The following CIMAP3 variants were observed in gnomAD, a reference collection of about 807,000 sequenced individuals.
The protein encoded by CIMAP3 is ciliary microtubule associated protein 3.
the CIMAP3 span, among the ~76,000 whole-genome samples, chr1:111,331,716 TC>T: frequency 3.3e-5 from 5 of 152,030 alleles, no homozygotes; most frequent in Non-Finnish European, 7.4e-5. Context: ...GTGATTGGGG[TC>T]TTTTACTGGA....
At chr1:111,344,753 A>G in the CIMAP3 span, among the ~76,000 whole-genome samples, 2 of 152,214 alleles carry the variant, frequency 1.3e-5, no homozygotes, top group Non-Finnish European at 2.9e-5. Flanking sequence ...ACAAATGTTA[A>G]TATTACCTAA....
At chr1:111,330,378 A>G in the CIMAP3 span, among the ~76,000 whole-genome samples, 1 of 152,142 alleles carries the variant, frequency 6.6e-6, no homozygotes, top group Non-Finnish European at 1.5e-5. Flanking sequence ...GGATGTGTTC[A>G]CCAGGCTGAG....
chr1:111,329,516 CATATATATAT>C, the CIMAP3 span, among the ~76,000 whole-genome samples: 1,062 of 106,214 alleles, frequency 1.0e-2, 8 homozygotes, highest in Non-Finnish European at 0.014. Context: ...CACATAAACC[CATATATATAT>C]ATATATATAT....
chr1:111,345,784 T>C, the CIMAP3 span, among the ~76,000 whole-genome samples: 3 of 152,170 alleles, frequency 2.0e-5, no homozygotes, highest in Non-Finnish European at 2.9e-5. Context: ...CAAGCTAGTG[T>C]TAATATCCAT....
the CIMAP3 span, among the ~76,000 whole-genome samples, chr1:111,341,802 T>G: frequency 1.3e-5 from 2 of 152,206 alleles, no homozygotes; most frequent in Non-Finnish European, 2.9e-5. Context: ...CTTTTTATCA[T>G]ATAATGATCT....
chr1:111,350,000 C>G, the CIMAP3 span: 1 of 761,934 alleles, frequency 1.3e-6, no homozygotes, highest in Non-Finnish European at 2.2e-6. Flanking sequence ...CAATCTGTTG[C>G]CTTTTTCCAA....
chr1:111,347,768 A>G, the CIMAP3 span: 2 of 1,606,016 alleles, frequency 1.2e-6, no homozygotes, highest in Admixed American at 1.7e-5. Context: ...AAGCCAATAC[A>G]GAAGGTAATG....
At chr1:111,347,039 AT>A in the CIMAP3 span, 3 of 1,611,718 alleles carry the variant, frequency 1.9e-6, no homozygotes, top group Non-Finnish European at 2.5e-6. Flanking sequence ...CCTGGGTGTT[AT>A]TTTTCAGATG....
At chr1:111,332,737 A>G in the CIMAP3 span, among the ~76,000 whole-genome samples, 4 of 152,108 alleles carry the variant, frequency 2.6e-5, no homozygotes, top group Non-Finnish European at 5.9e-5. Flanking sequence ...TGGGCCTAGG[A>G]CAATGGTGCA....
chr1:111,327,786 T>C, the CIMAP3 span, among the ~76,000 whole-genome samples: 1 of 151,742 alleles, frequency 6.6e-6, no homozygotes, highest in Non-Finnish European at 1.5e-5. Flanking sequence ...TATTTTATTA[T>C]TTTTTCCAAA....
At chr1:111,335,214 G>A in the CIMAP3 span, among the ~76,000 whole-genome samples, 2 of 150,736 alleles carry the variant, frequency 1.3e-5, no homozygotes, top group Non-Finnish European at 2.9e-5. Flanking sequence ...TCCTACAAGA[G>A]AGGAGTCAAG....
At chr1:111,339,274 AT>A in the CIMAP3 span, among the ~76,000 whole-genome samples, 2 of 151,504 alleles carry the variant, frequency 1.3e-5, no homozygotes, top group East Asian at 3.9e-4. Flanking sequence ...AACTGGAAGC[AT>A]TCCCTTTGAA....
the CIMAP3 span, among the ~76,000 whole-genome samples, chr1:111,348,068 T>C: frequency 6.6e-6 from 1 of 152,246 alleles, no homozygotes; most frequent in Non-Finnish European, 1.5e-5. Context: ...TGTGTTTATA[T>C]ACATTATATT....
the CIMAP3 span, chr1:111,347,815 A>G: frequency 1.4e-6 from 2 of 1,424,312 alleles, no homozygotes. Context: ...TGTTGCATGC[A>G]TTTGCACAGG....
the CIMAP3 span, among the ~76,000 whole-genome samples, chr1:111,325,085 CA>C: frequency 2.0e-5 from 3 of 152,200 alleles, no homozygotes; most frequent in African/African-American, 7.2e-5. Context: ...AATAAACCTG[CA>C]CTGTTTCTTC....
the CIMAP3 span, among the ~76,000 whole-genome samples, chr1:111,329,215 C>T: frequency 2.0e-5 from 3 of 152,024 alleles, no homozygotes; most frequent in African/African-American, 7.2e-5. Context: ...GGAGAGGTCA[C>T]CTGTTAGCCT....
chr1:111,350,520 G>T, the CIMAP3 span, among the ~76,000 whole-genome samples: 1 of 152,172 alleles, frequency 6.6e-6, no homozygotes, highest in Admixed American at 6.5e-5. Context: ...GGCCCAGATG[G>T]ATTAAGTGAT....
chr1:111,338,287 C>G, the CIMAP3 span, among the ~76,000 whole-genome samples: 1 of 151,818 alleles, frequency 6.6e-6, no homozygotes, highest in Non-Finnish European at 1.5e-5. Context: ...ATTAAAAGAA[C>G]TAGAAAAGCA....
chr1:111,336,455 A>G, the CIMAP3 span, among the ~76,000 whole-genome samples: 1 of 152,200 alleles, frequency 6.6e-6, no homozygotes, highest in Non-Finnish European at 1.5e-5. Flanking sequence ...TTTGAAAAAA[A>G]TTTAGAAGAA....
Sources: allele counts gnomAD v4.1 joint callset (sites outside exome capture counted in the v4.1 genomes callset), GRCh38; gene constraint gnomAD v4.1.1; transcripts MANE v1.5; gene names NCBI Gene and HGNC (gene_info 2026-07-23, HGNC 2026-07-21).